LRP1B: variants seen among roughly 807,000 people sequenced by gnomAD.
LRP1B encodes the protein LDL receptor related protein 1B.
In LRP1B, 217 loss-of-function variants were observed where a neutral mutation model predicts 556.6. The observed-to-expected ratio is 0.39, with a 90% CI of 0.35 to 0.44. The LOEUF (loss-of-function observed/expected upper bound fraction) is 0.44. LRP1B is among the 20% of genes least tolerant of loss of function. The pLI, the probability that LRP1B is intolerant of heterozygous loss-of-function variation, is 1.00. For synonymous variants in LRP1B, 2,047 were observed against 1,865.8 expected (o/e 1.10, Z -2.50); for missense variants, 5,053 against 5,620.8 (o/e 0.90, Z 3.23).
At chr2:141,208,278 G>A (rs1406142178) in intron 6 of LRP1B, 1 of 152,270 alleles carries the variant, frequency 6.6e-6, no homozygotes, top group African/African-American at 2.4e-5. Context: ...TGGCCCAGAA[G>A]CAGAACAGGT....
intron 2 of LRP1B, among the ~76,000 whole-genome samples, chr2:141,599,001 ATAAAAAAAT>A (rs1687623633): frequency 1.4e-5 from 2 of 144,544 alleles, no homozygotes; most frequent in South Asian, 4.7e-4. Flanking sequence ...AGCCAAGTCT[ATAAAAAAAT>A]TGAAAAAAAT....
At chr2:140,737,542 C>A (rs576016558) in intron 35 of LRP1B, among the ~76,000 whole-genome samples, 1 of 152,140 alleles carries the variant, frequency 6.6e-6, no homozygotes, top group Non-Finnish European at 1.5e-5. Context: ...ATGGACATAC[C>A]TGGCATTTGG....
chr2:140,296,513 G>T (rs1388993165), intron 84 of LRP1B, among the ~76,000 whole-genome samples: 1 of 152,062 alleles, frequency 6.6e-6, no homozygotes, highest in Non-Finnish European at 1.5e-5. Context: ...GGTTAAGCAG[G>T]ATATGTAAAT....
chr2:140,959,947 C>G (rs190206957), intron 18 of LRP1B, among the ~76,000 whole-genome samples: 13 of 151,738 alleles, frequency 8.6e-5, no homozygotes, highest in African/African-American at 2.7e-4. Context: ...CTTCAGGGCC[C>G]TGAAGTAGTA....
chr2:141,522,633 T>C (rs1684565542), intron 2 of LRP1B, among the ~76,000 whole-genome samples: 1 of 152,022 alleles, frequency 6.6e-6, no homozygotes, highest in South Asian at 2.1e-4. Context: ...CTTTTAAAAG[T>C]GAATAGAATC....
chr2:141,052,811 T>C (rs2105451743), intron 10 of LRP1B, among the ~76,000 whole-genome samples: 1 of 151,986 alleles, frequency 6.6e-6, no homozygotes, highest in Admixed American at 6.6e-5. Flanking sequence ...CTAATTTTTG[T>C]AGCTTTTTTA....
At chr2:140,284,671 C>A (rs1039735679) in intron 84 of LRP1B, among the ~76,000 whole-genome samples, 7 of 151,422 alleles carry the variant, frequency 4.6e-5, no homozygotes, top group African/African-American at 1.7e-4. Flanking sequence ...CTACCCACTT[C>A]AAATCTATAG....
chr2:140,666,494 A>C (rs1685280952), intron 41 of LRP1B, among the ~76,000 whole-genome samples: 1 of 152,116 alleles, frequency 6.6e-6, no homozygotes. Flanking sequence ...CAAACATACA[A>C]GTGAGAATGT....
chr2:141,850,561 GTGTGTGTGTA>G (rs1697814219), intron 1 of LRP1B, among the ~76,000 whole-genome samples: 1 of 149,856 alleles, frequency 6.7e-6, no homozygotes, highest in Non-Finnish European at 1.5e-5. Flanking sequence ...ATATATATGT[GTGTGTGTGTA>G]TATGTGTGTA....
At chr2:142,022,382 A>C (rs1574604061) in intron 1 of LRP1B, among the ~76,000 whole-genome samples, 1 of 141,038 alleles carries the variant, frequency 7.1e-6, no homozygotes, top group African/African-American at 2.7e-5. Context: ...GAAACACTTT[A>C]TTATTATTAT....
At chr2:141,897,123 T>C (rs1161599056) in intron 1 of LRP1B, among the ~76,000 whole-genome samples, 3 of 152,156 alleles carry the variant, frequency 2.0e-5, no homozygotes, top group Non-Finnish European at 4.4e-5. Flanking sequence ...GATTTTAAAG[T>C]ATAATCTTAG....
intron 37 of LRP1B, among the ~76,000 whole-genome samples, chr2:140,705,198 A>G (rs1686786546): frequency 6.6e-6 from 1 of 152,084 alleles, no homozygotes; most frequent in Admixed American, 6.6e-5. Flanking sequence ...CCTTAGCTAT[A>G]AGATGCGTAA....
intron 32 of LRP1B, among the ~76,000 whole-genome samples, chr2:140,805,808 G>A (rs986367922): frequency 6.6e-5 from 10 of 152,088 alleles, no homozygotes; most frequent in African/African-American, 2.2e-4. Context: ...TAGATAAAGA[G>A]ATATATATAA....
intron 43 of LRP1B, among the ~76,000 whole-genome samples, chr2:140,545,277 C>T (rs1172116171): frequency 1.3e-5 from 2 of 151,656 alleles, no homozygotes; most frequent in African/African-American, 2.4e-5. Context: ...CTGTGGAGAG[C>T]TCTTTAGTTT....
intron 84 of LRP1B, among the ~76,000 whole-genome samples, chr2:140,290,512 A>G (rs1683330311): frequency 6.6e-6 from 1 of 152,052 alleles, no homozygotes; most frequent in African/African-American, 2.4e-5. Flanking sequence ...AGAATCTTAA[A>G]TATTCAAATA....
At chr2:141,795,824 A>C (rs1695784493) in intron 2 of LRP1B, among the ~76,000 whole-genome samples, 2 of 141,262 alleles carry the variant, frequency 1.4e-5, no homozygotes, top group African/African-American at 5.2e-5. Flanking sequence ...TCAACTTTTC[A>C]CTATCAAGAA....
At chr2:140,259,917 C>G (rs979237933) in intron 86 of LRP1B, among the ~76,000 whole-genome samples, 1 of 151,738 alleles carries the variant, frequency 6.6e-6, no homozygotes, top group Non-Finnish European at 1.5e-5. Context: ...AACCAATATG[C>G]CCTGCCCCCA....
At chr2:140,766,560 T>C (rs1022480699) in intron 35 of LRP1B, among the ~76,000 whole-genome samples, 2 of 151,888 alleles carry the variant, frequency 1.3e-5, no homozygotes, top group African/African-American at 4.8e-5. Flanking sequence ...GCCTCTTAGA[T>C]TTACATTTAA....
rs77398872 is a variant in LRP1B, at chr2:140,505,179, T to C, written c.8521+1617A>G. Among the ~76,000 whole-genome samples, 476 of 152,308 alleles carry C rather than the reference T, an allele frequency of 3.1e-3. 5 individuals are homozygous for C. The highest frequency in any genetic ancestry group is 0.011 in the African/African-American group (441 of 41,568). On this transcript the variant is annotated intron_variant, in intron 53 of 90. Coordinates refer to ENST00000389484, the MANE Select transcript of LRP1B (RefSeq NM_018557.3). ...CTCTAAGAACTTTACAAATATAAATTCATTTAATTCTCTGAACAGTCCTAA... is the reference window on the plus strand; with the variant it reads ...CTCTAAGAACTTTACAAATATAAATCCATTTAATTCTCTGAACAGTCCTAA...
Sources: allele counts gnomAD v4.1 joint callset (sites outside exome capture counted in the v4.1 genomes callset), GRCh38; gene constraint gnomAD v4.1.1; transcripts MANE v1.5; gene names NCBI Gene and HGNC (gene_info 2026-07-23, HGNC 2026-07-21).